The following ITGAD variants were observed in gnomAD, a reference collection of about 807,000 sequenced individuals.
ITGAD encodes the protein integrin subunit alpha D.
Under a neutral mutation model 139.0 loss-of-function variants are expected in ITGAD, and 105 were observed. That is an observed-to-expected ratio of 0.76 (90% CI 0.65 to 0.89). The LOEUF is 0.89. Among genes scored for constraint, ITGAD ranks in the 40% least tolerant of loss-of-function variants. The pLI, the probability that ITGAD is intolerant of heterozygous loss-of-function variation, is 0.00. For missense variants in ITGAD, 1,384 were observed against 1,487.3 expected, an observed-to-expected ratio of 0.93 and a Z score of 1.14; for synonymous variants, 569 against 598.3, an observed-to-expected ratio of 0.95 and a Z score of 0.71.
chr16:31,424,895 G>A (rs1004653504), intron 29 of ITGAD, among the ~76,000 whole-genome samples: 7 of 151,920 alleles, frequency 4.6e-5, no homozygotes, highest in South Asian at 4.2e-4. Context: ...CACCTCATCC[G>A]GCCTTATCCC....
In ITGAD at chr16:31,411,194, C is replaced by T. The variant is rs747296182; in HGVS notation, c.1475C>T (p.Ser492Phe). 16 of 1,613,648 alleles carry T rather than the reference C, an allele frequency of 9.9e-6. No individual in the cohort carries two copies. In the Admixed American group the frequency reaches 2.7e-4, roughly 27 times the overall value. Residue 492 changes from serine (S) to phenylalanine (F), a missense_variant, in exon 13 of 30, where the codon TCC becomes TTC. Coordinates refer to ENST00000389202, the MANE Select transcript of ITGAD (RefSeq NM_005353.3). ...YYEQTRGGQV[S>F]VCPLPRGRVQ... ...GAGCAGACCCGAGGGGGCCAGGTGT[C>T]CGTGTGTCCCTTGCCTAGGGGGGTG... is the stretch of plus-strand genomic sequence containing the variant.
chr16:31,412,860 C>T lies in ITGAD; in HGVS notation c.1730C>T (p.Ser577Phe), dbSNP rs2081766852. The change falls in exon 15 of 30, where the codon TCC becomes TTC. Residue 577 changes from serine (S) to phenylalanine (F), a missense_variant. Ser to Phe is a radical substitution (Grantham distance 155). Coordinates refer to ENST00000389202, the MANE Select transcript of ITGAD (RefSeq NM_005353.3). Reference protein sequence around the residue: ...HSQRIASSQLSPRLQYFGQAL... With the variant: ...HSQRIASSQLFPRLQYFGQAL... Reference sequence around the variant, plus strand: ...CAGCGGATTGCCAGCTCCCAGCTCTCCCCCAGGCTGCAGTATTTTGGGCAG... The same window carrying T: ...CAGCGGATTGCCAGCTCCCAGCTCTTCCCCAGGCTGCAGTATTTTGGGCAG... The T allele has an allele frequency of 1.2e-6, 2 of 1,614,114 alleles. No individual in the cohort carries two copies. The highest frequency in any genetic ancestry group is 8.5e-7 in the Non-Finnish European group (1 of 1,180,004).
In ITGAD at chr16:31,410,829, C is replaced by A; in HGVS notation, c.1307C>A (p.Thr436Asn). Reference sequence around the variant, plus strand: ...CATACCGGGAAGGCTGTCATCTTCACCCAGGTGTCCAGGCAATGGAGGAAG... The same window carrying A: ...CATACCGGGAAGGCTGTCATCTTCAACCAGGTGTCCAGGCAATGGAGGAAG... ...YQHTGKAVIF[T>N]QVSRQWRKKA... is the part of the protein sequence containing the mutation. The change falls in exon 12 of 30, where the codon ACC becomes AAC. Residue 436 changes from threonine to asparagine, a missense_variant. Thr to Asn is a moderately conservative substitution (Grantham distance 65). Transcript: ENST00000389202. 16 of 1,613,898 alleles carry A rather than the reference C, an allele frequency of 9.9e-6. No individual in the cohort carries two copies. Among genetic ancestry groups the A allele is most frequent in the Non-Finnish European group, 1.4e-5 (16 of 1,179,932 alleles).
rs769360990 is a variant in ITGAD, at chr16:31,414,889, CA to C, written c.2182del (p.Ile728PhefsTer9). On this transcript the variant is annotated frameshift_variant, in exon 18 of 30. Coordinates refer to ENST00000389202, the MANE Select transcript of ITGAD (RefSeq NM_005353.3). LOFTEE classifies it high-confidence loss of function. ...DCVEDVVSPIILHLNFSLVRE... is the reference protein window; with the variant it reads ...DCVEDVVSPIXLHLNFSLVRE... The stretch of plus-strand genomic sequence containing the variant: ...GTGTGGAGGATGTGGTGAGCCCCAT[CA>C]TTCTGCACCTCAACTTCTCACTGGT... 1 of 1,614,102 alleles carries C rather than the reference CA, an allele frequency of 6.2e-7. No homozygotes were observed. The highest frequency in any genetic ancestry group is 1.3e-5 in the African/African-American group (1 of 75,002).
intron 5 of ITGAD, among the ~76,000 whole-genome samples, chr16:31,398,356 G>A (rs1309161855): frequency 6.6e-6 from 1 of 151,816 alleles, no homozygotes; most frequent in Admixed American, 6.6e-5. Context: ...GAACCCAGGA[G>A]GCGGAGGTTG....
chr16:31,403,447 A>G lies in ITGAD; in HGVS notation c.559-53A>G. 1 of 1,597,682 alleles carries G rather than the reference A, an allele frequency of 6.3e-7. No individual in the cohort carries two copies. Among genetic ancestry groups the G allele is most frequent in the East Asian group, 2.2e-5 (1 of 44,504 alleles). ...CCTGTCTCTACAAAAAATTAAAATAAAAACAATAGTAACAGGCACTGAGCC... is the reference window on the plus strand; with the variant it reads ...CCTGTCTCTACAAAAAATTAAAATAGAAACAATAGTAACAGGCACTGAGCC... On this transcript the variant is annotated intron_variant, in intron 6 of 29. Coordinates refer to ENST00000389202, the MANE Select transcript of ITGAD (RefSeq NM_005353.3). The surrounding 1 kb of genome is among the most constrained non-coding windows in gnomAD (Gnocchi z 4.4).
chr16:31,418,124 C>T lies in ITGAD; in HGVS notation c.2549C>T (p.Thr850Ile). ...ALRLACETVP[T>I]EDEGLRSSRC... ...CGCCTGGCATGTGAGACAGTGCCCA[C>T]TGAGGATGAGGGCCTAAGAAGCAGC... The change falls in exon 21 of 30, where the codon ACT becomes ATT. Residue 850 changes from threonine (T) to isoleucine (I), a missense_variant. By Grantham distance (89) the Thr-to-Ile change is moderately conservative (BLOSUM62 -1). Transcript: ENST00000389202. The T allele has an allele frequency of 6.2e-7, 1 of 1,614,122 alleles. No individual in the cohort carries two copies. Among genetic ancestry groups the T allele is most frequent in the Non-Finnish European group, 8.5e-7 (1 of 1,180,022 alleles).
chr16:31,425,623 A>G (rs1212868184), intron 29 of ITGAD, among the ~76,000 whole-genome samples: 1 of 148,384 alleles, frequency 6.7e-6, no homozygotes, highest in East Asian at 2.0e-4. Flanking sequence ...CTTATTCCCA[A>G]TTTTCTTCCC....
Position 31,411,002 on chromosome 16 carries a change from G to A in ITGAD, c.1357-74G>A. On this transcript the variant is annotated intron_variant, in intron 12 of 29. Transcript: ENST00000389202. ...CCTTGGGAGAGGTCCTGGTACCTGG[G>A]GAGAGGCGGGACCCTGGCCCACAGG... 17 of 1,601,846 alleles carry A rather than the reference G, an allele frequency of 1.1e-5. No individual in the cohort carries two copies. The South Asian group carries it at 1.6e-4, about 15-fold the overall frequency.
Position 31,410,747 on chromosome 16 carries a change from G to A in ITGAD, c.1225G>A (p.Glu409Lys), listed in dbSNP as rs755099184. The change falls in exon 12 of 30, where the codon GAG becomes AAG. Residue 409 changes from glutamate (E) to lysine (K), a missense_variant. Glu to Lys is a moderately conservative substitution (Grantham distance 56, BLOSUM62 1). Transcript: ENST00000389202. ...CCTGGGCCCCTCAGGTTACTCCACC[G>A]AGCTAGCCCTGTGGAAGGGGGTACA... ...MRDSYLGYST[E>K]LALWKGVQNL... The A allele has an allele frequency of 5.0e-6, 8 of 1,611,824 alleles. No individual in the cohort carries two copies. Among genetic ancestry groups the A allele is most frequent in the South Asian group, 2.2e-5 (2 of 90,984 alleles).
At chr16:31,422,231 C>T (rs1164995152) in intron 23 of ITGAD, among the ~76,000 whole-genome samples, 1 of 151,950 alleles carries the variant, frequency 6.6e-6, no homozygotes, top group Non-Finnish European at 1.5e-5. Flanking sequence ...TGAGCCACCT[C>T]GCCTGGCCAG....
Position 31,403,812 on chromosome 16 carries a change from C to A in ITGAD, c.704+167C>A. 1 of 747,218 alleles carries A rather than the reference C, an allele frequency of 1.3e-6. No homozygotes were observed. The highest frequency in any genetic ancestry group is 2.8e-5 in the Admixed American group (1 of 36,228). The allele number at this position is 747,218 out of a possible 1,614,324, so 46.3% of individuals were successfully genotyped here. A position where few individuals can be genotyped will look rare whatever the true frequency, so the allele number is the denominator to read the frequency against. On this transcript the variant is annotated intron_variant, in intron 7 of 29. Transcript: ENST00000389202. This position sits in a 1 kb window ranked among gnomAD's most constrained non-coding sequence, Gnocchi z 4.4. ...CTCCCCCCGGGGTGCTCCTGGTTGCCTCGCTGCCAGTCTCCCTGATATAGG... is the reference window on the plus strand; with the variant it reads ...CTCCCCCCGGGGTGCTCCTGGTTGCATCGCTGCCAGTCTCCCTGATATAGG...
chr16:31,423,953 C>CG lies in ITGAD; in HGVS notation c.3155dup (p.Glu1053ArgfsTer14). 1 of 1,614,110 alleles carries CG rather than the reference C, an allele frequency of 6.2e-7. No homozygotes were observed. Among genetic ancestry groups the CG allele is most frequent in the South Asian group, 1.1e-5 (1 of 91,084 alleles). On this transcript the variant is annotated frameshift_variant, in exon 27 of 30. Coordinates refer to ENST00000389202, the MANE Select transcript of ITGAD (RefSeq NM_005353.3). LOFTEE classifies it high-confidence loss of function. ...GGGCAATCTCAGTTTCGGCTGGGTC[C>CG]GCGAGGTGTGTGGGGGCAGCGGCAG... is the stretch of plus-strand genomic sequence containing the variant.
chr16:31,413,288 T>C, intron 16 of ITGAD, 42 bp downstream of exon 16: 1 of 1,603,466 alleles, frequency 6.2e-7, no homozygotes, highest in Non-Finnish European at 8.5e-7. Flanking sequence ...CCTCATTCCA[T>C]TAGGGGCCCC....
At chr16:31,397,687 AC>A in intron 4 of ITGAD, 21 bp downstream of exon 4, 3 of 181,904 alleles carry the variant, frequency 1.6e-5, no homozygotes, top group Admixed American at 9.7e-5. Flanking sequence ...GTCTTGGGCC[AC>A]GGGGGGGTGG....
rs1326391815 is a variant in ITGAD at position 31,397,870 on chromosome 16, C to A, written c.388C>A (p.Arg130Ser). Reference protein sequence around the residue: ...SKGSCLLLGSRWEIIQTVPDA... With the variant: ...SKGSCLLLGSSWEIIQTVPDA... ...GGGTTCCTGCCTCCTGCTGGGCTCG[C>A]GCTGGGAGATCATCCAGACAGTCCC... Residue 130 changes from arginine (R) to serine (S), a missense_variant, in exon 5 of 30, where the codon CGC becomes AGC. Arg to Ser is a moderately radical substitution (Grantham distance 110). Transcript: ENST00000389202. 3 of 1,613,594 alleles carry A rather than the reference C, an allele frequency of 1.9e-6. 1 individual carries two copies. Among genetic ancestry groups the A allele is most frequent in the South Asian group, 2.2e-5 (2 of 91,002 alleles).
At chr16:31,406,858 GCA>G (rs1456462536) in intron 7 of ITGAD, among the ~76,000 whole-genome samples, 1 of 152,184 alleles carries the variant, frequency 6.6e-6, no homozygotes, top group Non-Finnish European at 1.5e-5. Context: ...GACAGCTACA[GCA>G]CAGTTATCCT....
chr16:31,420,520 C>G (rs2081987623), intron 23 of ITGAD, among the ~76,000 whole-genome samples: 1 of 152,134 alleles, frequency 6.6e-6, no homozygotes, highest in Non-Finnish European at 1.5e-5. Context: ...GCCTCAGCCT[C>G]CCGAGTAGTT....
In ITGAD at chr16:31,400,441, G is replaced by A. The variant is rs568967990; in HGVS notation, c.428-1674G>A. On this transcript the variant is annotated intron_variant, in intron 5 of 29. Coordinates refer to ENST00000389202, the MANE Select transcript of ITGAD (RefSeq NM_005353.3). ...GGCCTGATCTCCCAGTGCCCTGCGG[G>A]CAGCACAGGATGTGGCTGCTGGTGG... Among the ~76,000 whole-genome samples, 4 of 152,280 alleles carry A rather than the reference G, an allele frequency of 2.6e-5. No individual in the cohort carries two copies. The East Asian group carries it at 7.7e-4, about 29-fold the overall frequency.
Sources: gnomAD v4.1 joint callset for allele counts (sites outside exome capture counted in the v4.1 genomes callset) on GRCh38, gnomAD v4.1.1 for gene constraint, Gnocchi (gnomAD v3.1) non-coding constraint, MANE v1.5 for transcripts, NCBI Gene and HGNC (gene_info 2026-07-23, HGNC 2026-07-21) for gene names.